CDH13: variants seen among roughly 807,000 people sequenced by gnomAD.
CDH13 encodes cadherin 13.
Under a neutral mutation model 63.8 loss-of-function variants are expected in CDH13, and 24 were observed. The observed-to-expected ratio is 0.38, with a 90% CI of 0.27 to 0.53. The LOEUF is 0.53. Ranked by LOEUF, CDH13 falls within the 20% of genes least tolerant of loss-of-function variation. The probability of loss-of-function intolerance (pLI) is 0.85; values close to 1 mark genes in which losing one functional copy is unlikely to be tolerated. For missense variants in CDH13, 1,049 were observed against 903.1 expected (o/e 1.16, Z -2.07); for synonymous variants, 503 against 355.3 (o/e 1.42, Z -4.67).
intron 1 of CDH13, among the ~76,000 whole-genome samples, chr16:82,847,435 C>A (rs2151145039): frequency 6.6e-6 from 1 of 152,336 alleles, no homozygotes; most frequent in South Asian, 2.1e-4. Flanking sequence ...CCCCTTCCTC[C>A]ATCTTCAAAG....
chr16:83,118,683 C>T (rs1332911747), intron 3 of CDH13, among the ~76,000 whole-genome samples: 2 of 152,166 alleles, frequency 1.3e-5, no homozygotes, highest in African/African-American at 2.4e-5. Context: ...AGACCACTTT[C>T]ACATGCAGCT....
At chr16:83,679,068 C>T (rs921236814) in intron 10 of CDH13, among the ~76,000 whole-genome samples, 1 of 149,532 alleles carries the variant, frequency 6.7e-6, no homozygotes. Flanking sequence ...TTGGGATTGG[C>T]GTTCTGCCTG....
intron 1 of CDH13, among the ~76,000 whole-genome samples, chr16:82,808,888 C>T (rs970063130): frequency 1.1e-4 from 16 of 152,186 alleles, no homozygotes; most frequent in African/African-American, 2.6e-4. Flanking sequence ...TGATTACAAG[C>T]GTTTCTGTAG....
chr16:82,719,741 G>A (rs2032637400), intron 1 of CDH13, among the ~76,000 whole-genome samples: 1 of 151,350 alleles, frequency 6.6e-6, no homozygotes, highest in South Asian at 2.1e-4. Flanking sequence ...GGCTACTCGG[G>A]AGGCTGAAAC....
At chr16:82,783,029 C>A (rs1408325727) in intron 1 of CDH13, among the ~76,000 whole-genome samples, 2 of 152,208 alleles carry the variant, frequency 1.3e-5, no homozygotes, top group Admixed American at 1.3e-4. Flanking sequence ...CACAGCGTCT[C>A]CTTCCCCCAT....
intron 4 of CDH13, among the ~76,000 whole-genome samples, chr16:83,144,123 C>T (rs1274124951): frequency 3.3e-5 from 5 of 152,170 alleles, no homozygotes; most frequent in Non-Finnish European, 7.3e-5. Flanking sequence ...ACTTGACCCA[C>T]AGCTAGTGCT....
rs193106091 is a variant in CDH13 at position 83,475,726 on chromosome 16, G to A, written c.782-10751G>A. Among the ~76,000 whole-genome samples the A allele has an allele frequency of 4.2e-3, 643 of 152,168 alleles. 9 individuals carry two copies. Among genetic ancestry groups the A allele is most frequent in the African/African-American group, 0.015 (621 of 41,528 alleles). The stretch of plus-strand genomic sequence containing the variant: ...CCTCCCCAGTAACTAGGATTACAGG[G>A]ACATGCCACCACGTTTGGCTAAATT... On this transcript the variant is annotated intron_variant, in intron 6 of 13. Coordinates refer to ENST00000567109, the MANE Select transcript of CDH13 (RefSeq NM_001257.5).
Position 83,423,103 on chromosome 16 carries a change from G to A in CDH13, c.782-63374G>A, listed in dbSNP as rs113658809. On this transcript the variant is annotated intron_variant, in intron 6 of 13. Coordinates refer to ENST00000567109, the MANE Select transcript of CDH13 (RefSeq NM_001257.5). ...ATGTAACAGCAAACTCACTGGAAAT[G>A]TGTTTCCCCCCATTTTCTGCTATAT... Among the ~76,000 whole-genome samples the A allele has an allele frequency of 2.6e-5, 4 of 152,228 alleles. 1 individual carries two copies. The highest frequency in any genetic ancestry group is 9.6e-5 in the African/African-American group (4 of 41,548).
chr16:83,523,641 C>T (rs1254459928), intron 7 of CDH13, among the ~76,000 whole-genome samples: 2 of 152,190 alleles, frequency 1.3e-5, no homozygotes, highest in Non-Finnish European at 2.9e-5. Flanking sequence ...TCATGGTAGA[C>T]CCTTGATGTC....
At chr16:83,042,244 A>T (rs577967592) in intron 3 of CDH13, among the ~76,000 whole-genome samples, 1 of 152,226 alleles carries the variant, frequency 6.6e-6, no homozygotes, top group South Asian at 2.1e-4. Context: ...GCAGGTGAGC[A>T]AGCAAAGCTT....
intron 6 of CDH13, among the ~76,000 whole-genome samples, chr16:83,443,387 C>T (rs1256928588): frequency 2.6e-5 from 4 of 152,166 alleles, no homozygotes; most frequent in African/African-American, 4.8e-5. Flanking sequence ...TCATTAGGAG[C>T]ACATTCTCAG....
At chr16:83,009,808 G>T (rs1456192247) in intron 2 of CDH13, among the ~76,000 whole-genome samples, 1 of 152,146 alleles carries the variant, frequency 6.6e-6, no homozygotes, top group Non-Finnish European at 1.5e-5. Context: ...AACAAATACA[G>T]ACTGCTGGGC....
intron 6 of CDH13, among the ~76,000 whole-genome samples, chr16:83,384,760 C>T (rs190679215): frequency 6.6e-6 from 1 of 152,354 alleles, no homozygotes; most frequent in South Asian, 2.1e-4. Context: ...TGAATCTTTC[C>T]TGTCTCACTC....
intron 1 of CDH13, among the ~76,000 whole-genome samples, chr16:82,663,338 C>T (rs967500220): frequency 3.3e-5 from 5 of 152,146 alleles, no homozygotes; most frequent in African/African-American, 1.2e-4. Flanking sequence ...AGGCATGCAG[C>T]ACCAGGCCCG....
chr16:83,179,997 T>C (rs759415531), intron 4 of CDH13, among the ~76,000 whole-genome samples: 5 of 152,172 alleles, frequency 3.3e-5, no homozygotes, highest in African/African-American at 1.2e-4. Flanking sequence ...ATATTTTCTG[T>C]AGGCCACTGT....
intron 1 of CDH13, among the ~76,000 whole-genome samples, chr16:82,753,745 G>A (rs1228523429): frequency 2.6e-5 from 4 of 152,202 alleles, no homozygotes; most frequent in Middle Eastern, 6.8e-3. Context: ...GCTTGACCTC[G>A]ATTAATGGGT....
chr16:83,059,568 C>T (rs548949220), intron 3 of CDH13, among the ~76,000 whole-genome samples: 1 of 152,214 alleles, frequency 6.6e-6, no homozygotes, highest in East Asian at 1.9e-4. Flanking sequence ...GAGATTCCAT[C>T]ATTCAGAGCA....
At chr16:82,790,340 C>T (rs942062685) in intron 1 of CDH13, among the ~76,000 whole-genome samples, 26 of 151,998 alleles carry the variant, frequency 1.7e-4, no homozygotes, top group Non-Finnish European at 3.7e-4. Context: ...GAGGTTGAGG[C>T]AGGAGAATTG....
intron 1 of CDH13, among the ~76,000 whole-genome samples, chr16:82,748,084 T>A (rs1405571287): frequency 6.6e-6 from 1 of 152,234 alleles, no homozygotes; most frequent in Non-Finnish European, 1.5e-5. Context: ...TTGCTTGTTC[T>A]CTTTGCCCCC....
Sources: allele counts gnomAD v4.1 joint callset (sites outside exome capture counted in the v4.1 genomes callset), GRCh38; gene constraint gnomAD v4.1.1; transcripts MANE v1.5; gene names NCBI Gene and HGNC (gene_info 2026-07-23, HGNC 2026-07-21).